Variants in PTPN21 observed in about 807,000 individuals in gnomAD.
The protein encoded by PTPN21 is tyrosine-protein phosphatase non-receptor type 21.
A neutral mutation model predicts 131.8 loss-of-function variants in PTPN21; 77 were observed. The observed-to-expected ratio is 0.58, with a 90% CI of 0.49 to 0.71. The LOEUF is 0.71. Among genes scored for constraint, PTPN21 ranks in the 30% least tolerant of loss-of-function variants. PTPN21 has a pLI of 0.00. For missense variants in PTPN21, 1,552 were observed against 1,527.1 expected (o/e 1.02, Z -0.27); for synonymous variants, 715 against 621.3 (o/e 1.15, Z -2.24).
chr14:88,479,600 G>C lies in PTPN21; in HGVS notation c.1831C>G (p.Leu611Val), dbSNP rs1307631843. 1.3e-6 allele frequency: 2 copies of C among 1,587,406 alleles called. No homozygotes were observed. The highest frequency in any genetic ancestry group is 1.7e-5 in the Admixed American group (1 of 57,416). The change falls in exon 13 of 19, where the codon CTG becomes GTG. Residue 611 changes from leucine to valine, a missense_variant. Leu to Val is a conservative substitution (Grantham distance 32). Around this residue, in one of 4 missense-constraint regions of PTPN21, gnomAD observed 1,016 missense variants for 883.5 expected, o/e 1.15. Transcript: ENST00000556564. ...HSVQTFQEDS[L>V]PVAHSLQEVS... ...TCCTGCAGCGAGTGCGCCACGGGCA[G>C]GCTGTCCTCCTGGAACGTTTGCACC...
At chr14:88,473,550 A>G (rs1332811199) in intron 14 of PTPN21, 115 bp downstream of exon 14, 1 of 1,285,982 alleles carries the variant, frequency 7.8e-7, no homozygotes, top group Non-Finnish European at 1.1e-6. Context: ...ATTCCTTAAC[A>G]CTCATTTATT....
At chr14:88,499,745 A>G (rs895794984) in intron 8 of PTPN21, among the ~76,000 whole-genome samples, 1 of 152,220 alleles carries the variant, frequency 6.6e-6, no homozygotes, top group Non-Finnish European at 1.5e-5. Context: ...AAGTGATAGA[A>G]TATGTTTTCC....
At chr14:88,493,979 T>G (rs1196374770) in intron 10 of PTPN21, among the ~76,000 whole-genome samples, 2 of 152,200 alleles carry the variant, frequency 1.3e-5, no homozygotes, top group African/African-American at 4.8e-5. Context: ...GAAGAGTGTC[T>G]GTCCTCAAGC....
intron 10 of PTPN21, among the ~76,000 whole-genome samples, chr14:88,486,995 A>AG (rs1404194046): frequency 4.0e-5 from 6 of 151,850 alleles, no homozygotes; most frequent in African/African-American, 1.5e-4. Flanking sequence ...AAAAAAAAAA[A>AG]AAGTACCTAA....
chr14:88,479,644 G>A lies in PTPN21; in HGVS notation c.1787C>T (p.Thr596Met). 2 of 1,548,942 alleles carry A rather than the reference G, an allele frequency of 1.3e-6. No homozygotes were observed. The highest frequency in any genetic ancestry group is 1.8e-5 in the Admixed American group (1 of 54,616). The change falls in exon 13 of 19, where the codon ACG becomes ATG. Residue 596 changes from threonine to methionine, a missense_variant. Physicochemically the swap from Thr to Met is moderately conservative, Grantham distance 81. Transcript: ENST00000556564. ...TTGCACCGAGTGGTGCACGCGCCGC[G>A]TGATGAGGTCGGGGTTGCTGCTGCT... ...YISSSNPDLI[T>M]RRVHHSVQTF...
At chr14:88,513,831 A>G (rs939779307) in intron 3 of PTPN21, 3 of 152,204 alleles carry the variant, frequency 2.0e-5, no homozygotes, top group African/African-American at 7.2e-5. Flanking sequence ...AGGATGTTAA[A>G]TGTTACTTTT....
Position 88,468,919 on chromosome 14 carries a change from A to G in PTPN21, c.3393T>C (p.Asn1131=). The change falls in exon 18 of 19, where the codon AAT becomes AAC. Residue 1131 remains asparagine, a synonymous_variant. Coordinates refer to ENST00000556564, the MANE Select transcript of PTPN21 (RefSeq NM_007039.4). ...SEIMIACLEH[N]EVLDIPRVLD... ...AGGTGATCATAAGCGCCATCACCTC[A>G]TTGTGTTCCAGGCAGGCGATCATGA... The G allele has an allele frequency of 6.2e-7, 1 of 1,614,070 alleles. No homozygotes were observed. The highest frequency in any genetic ancestry group is 1.7e-4 in the Middle Eastern group (1 of 6,050).
chr14:88,510,604 G>T (rs191301625), intron 3 of PTPN21, among the ~76,000 whole-genome samples: 2 of 152,104 alleles, frequency 1.3e-5, no homozygotes, highest in Non-Finnish European at 2.9e-5. Flanking sequence ...AAACACAATG[G>T]TCGAGAGCAA....
intron 10 of PTPN21, among the ~76,000 whole-genome samples, chr14:88,495,539 A>T (rs2077898487): frequency 6.6e-6 from 1 of 152,178 alleles, no homozygotes; most frequent in African/African-American, 2.4e-5. Context: ...GCATGCCTGT[A>T]ATCCCAGCTA....
At chr14:88,491,128 T>TA (rs138178316) in intron 10 of PTPN21, among the ~76,000 whole-genome samples, 5,622 of 152,322 alleles carry the variant, frequency 0.037, 352 homozygotes, top group African/African-American at 0.13. Context: ...TTTATAATTT[T>TA]AAAAGACAGA....
intron 2 of PTPN21, among the ~76,000 whole-genome samples, chr14:88,522,593 A>G (rs899654558): frequency 1.3e-5 from 2 of 152,172 alleles, no homozygotes; most frequent in Non-Finnish European, 2.9e-5. Flanking sequence ...TATTGTAGTT[A>G]AAGTATTTGC....
intron 2 of PTPN21, among the ~76,000 whole-genome samples, chr14:88,523,674 A>G (rs934513973): frequency 1.3e-5 from 2 of 151,372 alleles, no homozygotes; most frequent in East Asian, 3.9e-4. Context: ...AGATGACATA[A>G]TCCTAGACAA....
intron 3 of PTPN21, among the ~76,000 whole-genome samples, chr14:88,510,854 C>T (rs1184421558): frequency 1.3e-5 from 2 of 151,626 alleles, no homozygotes; most frequent in Admixed American, 6.6e-5. Flanking sequence ...CCCTCAAATA[C>T]TTTAATGGAA....
intron 2 of PTPN21, among the ~76,000 whole-genome samples, chr14:88,518,243 A>T (rs1258112901): frequency 1.3e-5 from 1 of 76,886 alleles, no homozygotes; most frequent in African/African-American, 6.1e-5. Context: ...AAAAAAAAAA[A>T]AAAAAAAAAA....
intron 2 of PTPN21, among the ~76,000 whole-genome samples, chr14:88,525,635 G>C (rs779069263): frequency 2.0e-5 from 3 of 152,176 alleles, no homozygotes; most frequent in African/African-American, 4.8e-5. Context: ...CTGTGGAAAA[G>C]TTTGGTGGAT....
At chr14:88,548,201 T>C (rs17798341) in intron 2 of PTPN21, among the ~76,000 whole-genome samples, 34,734 of 151,960 alleles carry the variant, frequency 0.23, 4,170 homozygotes, top group East Asian at 0.32. Flanking sequence ...CCTCAAATCA[T>C]TCTCCAAAGG....
chr14:88,500,881 G>C lies in PTPN21; in HGVS notation c.676-10C>G. 1.3e-6 allele frequency: 2 copies of C among 1,589,496 alleles called. No individual in the cohort carries two copies. The highest frequency in any genetic ancestry group is 4.5e-5 in the East Asian group (2 of 44,738). ...CACTTCCTTGGCTATCCTACAAGGA[G>C]AAAGCAGAAGAAGAAACACCCAGGA... On this transcript the variant is annotated splice_polypyrimidine_tract_variant and intron_variant, in intron 7 of 18. Transcript: ENST00000556564.
chr14:88,549,009 C>T (rs375601140), intron 2 of PTPN21, among the ~76,000 whole-genome samples: 91 of 152,312 alleles, frequency 6.0e-4, no homozygotes, highest in African/African-American at 1.8e-3. Flanking sequence ...AGAGATATCA[C>T]ATAACTTGCC....
At chr14:88,490,060 A>G (rs60838248) in intron 10 of PTPN21, among the ~76,000 whole-genome samples, 5,404 of 151,212 alleles carry the variant, frequency 0.036, 334 homozygotes, top group African/African-American at 0.13. Context: ...CCAGGCTGAA[A>G]TGCAGTGGTG....
Sources: gnomAD v4.1 joint callset for allele counts (sites outside exome capture counted in the v4.1 genomes callset) on GRCh38, gnomAD v4.1.1 for gene constraint, gnomAD v4.1.1 regional missense constraint, MANE v1.5 for transcripts, NCBI Gene and HGNC (gene_info 2026-07-23, HGNC 2026-07-21) for gene names.